CERS2: variants seen among roughly 807,000 people sequenced by gnomAD.
CERS2 encodes the protein ceramide synthase 2, also known as LAG1 homolog, ceramide synthase 2.
CERS2 carries 20 observed loss-of-function variants against 56.6 expected under a neutral mutation model. That is an observed-to-expected ratio of 0.35 (90% CI 0.25 to 0.51). The LOEUF (loss-of-function observed/expected upper bound fraction) is 0.51, where lower values mean the gene tolerates loss of function less well. CERS2 is among the 20% of genes least tolerant of loss of function. The probability of loss-of-function intolerance (pLI) is 0.96; values close to 1 mark genes in which losing one functional copy is unlikely to be tolerated. For missense variants in CERS2, 361 were observed against 488.6 expected (o/e 0.74, Z 2.46); for synonymous variants, 187 against 175.4 (o/e 1.07, Z -0.52).
rs949279438 is a variant in CERS2 at position 150,966,983 on chromosome 1, C to T, written c.741+91G>A. ...CCTCCTTGGTCCCAGGAATGTCATC[C>T]TCCAAATTCCCACCCCGCACCTCCC... On this transcript the variant is annotated intron_variant, in intron 8 of 10. Coordinates refer to ENST00000368954, the MANE Select transcript of CERS2 (RefSeq NM_022075.5). The T allele has an allele frequency of 2.0e-6, 3 of 1,527,324 alleles. No homozygotes were observed. In the African/African-American group the frequency reaches 4.1e-5, roughly 21 times the overall value. The allele number at this position is 1,527,324 out of a possible 1,614,324, so 94.6% of individuals were successfully genotyped here. A position where few individuals can be genotyped will look rare whatever the true frequency, so the allele number is the denominator to read the frequency against.
Position 150,968,326 on chromosome 1 carries a change from C to T in CERS2, c.291+69G>A. 4.7e-6 allele frequency: 7 copies of T among 1,491,324 alleles called. No individual in the cohort carries two copies. The South Asian group carries it at 6.8e-5, about 15-fold the overall frequency. 92.4% of individuals were successfully genotyped at this position (1,491,324 alleles called of 1,614,324 possible). A position where few individuals can be genotyped will look rare whatever the true frequency, so the allele number is the denominator to read the frequency against. On this transcript the variant is annotated intron_variant, in intron 3 of 10. Transcript: ENST00000368954. ...CCATCTCTTCACCTGCCAGAGCTAA[C>T]ATTCAAACCCTGTCCCCCCACCACC...
chr1:150,974,548 C>T (rs1671271995), intron 1 of CERS2, 71 bp downstream of exon 1: 3 of 149,256 alleles, frequency 2.0e-5, no homozygotes, highest in Non-Finnish European at 4.5e-5. Context: ...GCACCCGGGG[C>T]TCCCAACTTT....
chr1:150,969,282 C>A, intron 1 of CERS2, 191 bp from the exon 2 acceptor site: 3 of 592,380 alleles, frequency 5.1e-6, no homozygotes, highest in Non-Finnish European at 9.0e-6. Flanking sequence ...CCAGTTTTAA[C>A]ATTTACTGTT....
Position 150,967,830 on chromosome 1 carries a change from A to C in CERS2, c.458T>G (p.Val153Gly), listed in dbSNP as rs1306649467. ...GTAATCCCCACTCACATCCACAATG[A>C]CGGCCATGCCGGCAATGAAGGCAAT... ...YLIAFIAGMA[V>G]IVDKPWFYDM... The change falls in exon 5 of 11, where the codon GTC (valine) becomes GGC (glycine). Residue 153 changes from valine (V) to glycine (G), a missense_variant. Physicochemically the swap from Val to Gly is moderately radical, Grantham distance 109. Around this residue, in one of 3 missense-constraint regions of CERS2, gnomAD observed 236 missense variants for 309.2 expected, o/e 0.76. Coordinates refer to ENST00000368954, the MANE Select transcript of CERS2 (RefSeq NM_022075.5). The C allele has an allele frequency of 6.2e-7, 1 of 1,613,772 alleles. No homozygotes were observed. The highest frequency in any genetic ancestry group is 8.5e-7 in the Non-Finnish European group (1 of 1,179,664).
intron 3 of CERS2, 40 bp downstream of exon 3, chr1:150,968,355 C>T: frequency 6.4e-7 from 1 of 1,559,170 alleles, no homozygotes; most frequent in Non-Finnish European, 8.8e-7. Flanking sequence ...CACCACCAAA[C>T]TCAGTGATTC....
chr1:150,965,706 T>TAG lies in CERS2; in HGVS notation c.*440_*441dup, dbSNP rs1260265885. The TAG allele has an allele frequency of 1.9e-5, 3 of 156,648 alleles. No individual in the cohort carries two copies. The highest frequency in any genetic ancestry group is 4.2e-5 in the Non-Finnish European group (3 of 71,066). The allele number at this position is 156,648 out of a possible 1,614,324, so 9.7% of individuals were successfully genotyped here. ...GGTTTCTGGCCCAAGTTAGGGAGCTTAGAAAGGTTAGCCTTGGTCCAGCTT... is the reference window on the plus strand; with the variant it reads ...GGTTTCTGGCCCAAGTTAGGGAGCTTAGAGAAAGGTTAGCCTTGGTCCAGCTT... On this transcript the variant is annotated 3_prime_UTR_variant, in exon 11 of 11. Transcript: ENST00000368954.
intron 6 of CERS2, 74 bp from the exon 7 acceptor site, chr1:150,967,558 G>A (rs1671060172): frequency 7.1e-7 from 1 of 1,412,582 alleles, no homozygotes; most frequent in Non-Finnish European, 1.0e-6. Context: ...TAGCCCCTGA[G>A]GTTCTTCATT....
Position 150,965,996 on chromosome 1 carries a change from G to A in CERS2, c.*152C>T. 1 of 823,422 alleles carries A rather than the reference G, an allele frequency of 1.2e-6. No individual in the cohort carries two copies. The highest frequency in any genetic ancestry group is 1.8e-6 in the Non-Finnish European group (1 of 542,852). 51.0% of individuals were successfully genotyped at this position (823,422 alleles called of 1,614,324 possible). ...TAGGCTGGTTAGAATTTGGTTTAAA[G>A]GCAACTGGGTGACAAGCAAGGAGGG... On this transcript the variant is annotated 3_prime_UTR_variant, in exon 11 of 11. Coordinates refer to ENST00000368954, the MANE Select transcript of CERS2 (RefSeq NM_022075.5).
chr1:150,966,181 G>A lies in CERS2; in HGVS notation c.1110C>T (p.Pro370=), dbSNP rs1391730342. The change falls in exon 11 of 11, where the codon CCC becomes CCT. Residue 370 remains proline (P), a synonymous_variant. Transcript: ENST00000368954. ...AKSRPLANGH[P]ILNNNHRKND ...TCTTACGATGGTTGTTATTGAGGAT[G>A]GGGTGGCCATTGGCTAGGGGCCGGC... 1.2e-6 allele frequency: 2 copies of A among 1,608,244 alleles called. No homozygotes were observed. Among genetic ancestry groups the A allele is most frequent in the Admixed American group, 3.5e-5 (2 of 57,570 alleles).
Position 150,966,839 on chromosome 1 carries a change from C to A in CERS2, c.765G>T (p.Ala255=). 1 of 1,613,934 alleles carries A rather than the reference C, an allele frequency of 6.2e-7. No individual in the cohort carries two copies. The highest frequency in any genetic ancestry group is 8.5e-7 in the Non-Finnish European group (1 of 1,179,890). Residue 255 remains alanine, a synonymous_variant, in exon 9 of 11, where the codon GCG becomes GCT. Transcript: ENST00000368954. ...TGTTGTTGCAGGTGTTCTTCCATCC[C>A]GCGTAGTTAAACATCTTGGCTGACT... ...LLESAKMFNY[A]GWKNTCNNIF...
Position 150,966,742 on chromosome 1 carries a change from A to T in CERS2, c.848+14T>A. On this transcript the variant is annotated intron_variant, in intron 9 of 10. Transcript: ENST00000368954. ...TTTCTTCAGAACAGGAGTGTAGCCT[A>T]GCTGCCTACTCACCAGAAGGGCAGG... 1 of 1,606,124 alleles carries T rather than the reference A, an allele frequency of 6.2e-7. No individual in the cohort carries two copies. Among genetic ancestry groups the T allele is most frequent in the South Asian group, 1.1e-5 (1 of 90,904 alleles).
At chr1:150,974,056 G>C (rs1169083361) in intron 1 of CERS2, 2 of 152,324 alleles carry the variant, frequency 1.3e-5, no homozygotes, top group Non-Finnish European at 2.9e-5. Flanking sequence ...GCTCCTTCCT[G>C]TTTCCCGTTA....
In CERS2 at chr1:150,967,380, C is replaced by T; in HGVS notation, c.612+12G>A. On this transcript the variant is annotated intron_variant, in intron 7 of 10. Transcript: ENST00000368954. ...TGGCTCTGAGGCTTAATTGCACAAC[C>T]CCTTCACCCACCTTTCGCTTGACAT... 1 of 1,565,676 alleles carries T rather than the reference C, an allele frequency of 6.4e-7. No individual in the cohort carries two copies. The highest frequency in any genetic ancestry group is 8.8e-7 in the Non-Finnish European group (1 of 1,136,010).
chr1:150,966,247 GCT>G lies in CERS2; in HGVS notation c.1042_1043del (p.Ser348LeufsTer26). Reference sequence around the variant, plus strand: ...CAGCTGCAGCCTCCTCCCCCTCTGAGCTCTCTGTTTCTTCCCGGTCACTGCGT... The same window carrying G: ...CAGCTGCAGCCTCCTCCCCCTCTGAGCTCTGTTTCTTCCCGGTCACTGCGT... Reference protein sequence around the residue: ...DERSDREETESSEGEEAAAGG... With the variant: ...DERSDREETEXSEGEEAAAGG... On this transcript the variant is annotated frameshift_variant, in exon 11 of 11. Coordinates refer to ENST00000368954, the MANE Select transcript of CERS2 (RefSeq NM_022075.5). LOFTEE classifies it high-confidence loss of function. 2 of 1,610,816 alleles carry G rather than the reference GCT, an allele frequency of 1.2e-6. No individual in the cohort carries two copies. Among genetic ancestry groups the G allele is most frequent in the Non-Finnish European group, 8.5e-7 (1 of 1,179,118 alleles).
In CERS2 at chr1:150,966,193, G is replaced by A; in HGVS notation, c.1098C>T (p.Ala366=). 6.2e-7 allele frequency: 1 copy of A among 1,607,198 alleles called. No homozygotes were observed. Among genetic ancestry groups the A allele is most frequent in the Non-Finnish European group, 8.5e-7 (1 of 1,178,238 alleles). The change falls in exon 11 of 11, where the codon GCC becomes GCT. Residue 366 remains alanine (A), a synonymous_variant. Transcript: ENST00000368954. ...AGGGAKSRPL[A]NGHPILNNNH... is the part of the protein sequence containing the mutation. Reference sequence around the variant, plus strand: ...TGTTATTGAGGATGGGGTGGCCATTGGCTAGGGGCCGGCTCTTTGCTCCTC... The same window carrying A: ...TGTTATTGAGGATGGGGTGGCCATTAGCTAGGGGCCGGCTCTTTGCTCCTC...
intron 1 of CERS2, among the ~76,000 whole-genome samples, chr1:150,972,793 A>C (rs1257402963): frequency 6.6e-6 from 1 of 152,166 alleles, no homozygotes; most frequent in East Asian, 1.9e-4. Context: ...CAGGAACTTG[A>C]GCAGGACTCT....
chr1:150,967,158 G>A lies in CERS2; in HGVS notation c.657C>T (p.Leu219=), dbSNP rs748549740. Residue 219 remains leucine (L), a synonymous_variant, in exon 8 of 11, where the codon CTC becomes CTT. Transcript: ENST00000368954. ...AATTGGCAAACCAGGAAAAGCTGATGAGAATGATGGTGGCCACATGGTGGA... is the reference window on the plus strand; with the variant it reads ...AATTGGCAAACCAGGAAAAGCTGATAAGAATGATGGTGGCCACATGGTGGA... ...QIIHHVATII[L]ISFSWFANYI... is the part of the protein sequence containing the mutation. 4 of 1,613,606 alleles carry A rather than the reference G, an allele frequency of 2.5e-6. No individual in the cohort carries two copies. The highest frequency in any genetic ancestry group is 1.7e-5 in the Admixed American group (1 of 60,032).
chr1:150,973,390 T>C (rs1671231363), intron 1 of CERS2, among the ~76,000 whole-genome samples: 3 of 152,230 alleles, frequency 2.0e-5, no homozygotes, highest in South Asian at 4.2e-4. Context: ...TGGGGCGGTG[T>C]TGAAGGACAC....
intron 1 of CERS2, 47 bp from the exon 2 acceptor site, chr1:150,969,138 AG>A: frequency 2.6e-6 from 4 of 1,553,264 alleles, no homozygotes; most frequent in Non-Finnish European, 2.7e-6. Context: ...GTAGCTATGG[AG>A]GAAGAGATAG....
Sources: gnomAD v4.1 joint callset for allele counts (sites outside exome capture counted in the v4.1 genomes callset) on GRCh38, gnomAD v4.1.1 for gene constraint, gnomAD v4.1.1 regional missense constraint, MANE v1.5 for transcripts, NCBI Gene and HGNC (gene_info 2026-07-23, HGNC 2026-07-21) for gene names.